OR14C36: variants seen among roughly 807,000 people sequenced by gnomAD.
The protein encoded by OR14C36 is olfactory receptor 14C36.
For synonymous variants in OR14C36, 142 were observed against 146.8 expected, an observed-to-expected ratio of 0.97 and a Z score of 0.24; for missense variants, 404 against 384.8, an observed-to-expected ratio of 1.05 and a Z score of -0.42.
In OR14C36 at chr1:248,349,447, G is replaced by A. The variant is rs28377739; in HGVS notation, c.673G>A (p.Gly225Arg). The stretch of plus-strand genomic sequence containing the variant: ...CATTCACATCTTTTCGACCGTGCTC[G>A]GGTTTCCAAGAGGAGCAGACAGAAC... ...SYIHIFSTVL[G>R]FPRGADRTKA... The change falls in exon 1 of 1, where the codon GGG (glycine) becomes AGG (arginine). Residue 225 changes from glycine (G) to arginine (R), a missense_variant. By Grantham distance (125) the Gly-to-Arg change is moderately radical (BLOSUM62 -2). Coordinates refer to ENST00000317861, the MANE Select transcript of OR14C36 (RefSeq NM_001001918.1). 880,350 of 1,613,302 alleles carry A rather than the reference G, an allele frequency of 0.55. 242,229 individuals carry two copies. Among genetic ancestry groups the A allele is most frequent in the Non-Finnish European group, 0.56 (664,105 of 1,179,648 alleles).
At position 248,349,430 on chromosome 1, in the gene OR14C36, T is replaced by G; in HGVS notation, c.656T>G (p.Ile219Ser). The G allele has an allele frequency of 6.2e-7, 1 of 1,614,048 alleles. No individual in the cohort carries two copies. The highest frequency in any genetic ancestry group is 8.5e-7 in the Non-Finnish European group (1 of 1,179,990). ...FIFIIRSYIHIFSTVLGFPRG... is the reference protein window; with the variant it reads ...FIFIIRSYIHSFSTVLGFPRG... The stretch of plus-strand genomic sequence containing the variant: ...TTTATCATCAGGTCTTACATTCACA[T>G]CTTTTCGACCGTGCTCGGGTTTCCA... The change falls in exon 1 of 1, where the codon ATC becomes AGC. Residue 219 changes from isoleucine (I) to serine (S), a missense_variant. By Grantham distance (142) the Ile-to-Ser change is moderately radical (BLOSUM62 -2). Transcript: ENST00000317861.
In OR14C36 at chr1:248,349,306, G is replaced by A; in HGVS notation, c.532G>A (p.Asp178Asn). 2 of 1,614,054 alleles carry A rather than the reference G, an allele frequency of 1.2e-6. No individual in the cohort carries two copies. Among genetic ancestry groups the A allele is most frequent in the Non-Finnish European group, 1.7e-6 (2 of 1,180,010 alleles). Residue 178 changes from aspartate to asparagine, a missense_variant, in exon 1 of 1, where the codon GAC becomes AAC. Coordinates refer to ENST00000317861, the MANE Select transcript of OR14C36 (RefSeq NM_001001918.1). ...RSNVIHQFFC[D>N]IPSLLKLSCS... ...CAACGTTATTCATCAATTCTTCTGT[G>A]ACATCCCCTCTCTGCTGAAGCTCTC...
At position 248,349,134 on chromosome 1, in the gene OR14C36, C is replaced by T. The variant is rs774074900; in HGVS notation, c.360C>T (p.Arg120=). 1 of 1,613,876 alleles carries T rather than the reference C, an allele frequency of 6.2e-7. No individual in the cohort carries two copies. The stretch of plus-strand genomic sequence containing the variant: ...TTCTCACCATTATGGCTCATGACCG[C>T]TATGTGGCTGTCTGCCAGCCACTTC... ...LLFLTIMAHD[R]YVAVCQPLHY... Residue 120 remains arginine (R), a synonymous_variant, in exon 1 of 1, where the codon CGC becomes CGT. Coordinates refer to ENST00000317861, the MANE Select transcript of OR14C36 (RefSeq NM_001001918.1).
At position 248,349,657 on chromosome 1, in the gene OR14C36, A is replaced by T; in HGVS notation, c.883A>T (p.Ile295Leu). ...TATTTACAGTCTTAGAAATAAGCAA[A>T]TAAAGGTGGCCATCAAGAAAATCAT... ...PIIYSLRNKQ[I>L]KVAIKKIMKR... The change falls in exon 1 of 1, where the codon ATA becomes TTA. Residue 295 changes from isoleucine (I) to leucine (L), a missense_variant. By Grantham distance (5) the Ile-to-Leu change is conservative (BLOSUM62 2). Coordinates refer to ENST00000317861, the MANE Select transcript of OR14C36 (RefSeq NM_001001918.1). 6.2e-7 allele frequency: 1 copy of T among 1,605,376 alleles called. No individual in the cohort carries two copies. The highest frequency in any genetic ancestry group is 1.1e-5 in the South Asian group (1 of 88,754).
At position 248,349,666 on chromosome 1, in the gene OR14C36, G is replaced by A. The variant is rs372325110; in HGVS notation, c.892G>A (p.Ala298Thr). ...TCTTAGAAATAAGCAAATAAAGGTG[G>A]CCATCAAGAAAATCATGAAGAGAAT... is the stretch of plus-strand genomic sequence containing the variant. ...YSLRNKQIKV[A>T]IKKIMKRIFY... Residue 298 changes from alanine to threonine, a missense_variant, in exon 1 of 1, where the codon GCC (alanine) becomes ACC (threonine). Coordinates refer to ENST00000317861, the MANE Select transcript of OR14C36 (RefSeq NM_001001918.1). The A allele has an allele frequency of 5.0e-6, 8 of 1,608,088 alleles. No homozygotes were observed. Among genetic ancestry groups the A allele is most frequent in the Middle Eastern group, 1.7e-4 (1 of 6,010 alleles).
chr1:248,349,665 G>T lies in OR14C36; in HGVS notation c.891G>T (p.Val297=). 6.2e-7 allele frequency: 1 copy of T among 1,607,982 alleles called. No individual in the cohort carries two copies. Among genetic ancestry groups the T allele is most frequent in the Non-Finnish European group, 8.5e-7 (1 of 1,178,454 alleles). ...GTCTTAGAAATAAGCAAATAAAGGT[G>T]GCCATCAAGAAAATCATGAAGAGAA... The part of the protein sequence containing the change: ...IYSLRNKQIK[V]AIKKIMKRIF... Residue 297 remains valine, a synonymous_variant, in exon 1 of 1, where the codon GTG becomes GTT. Coordinates refer to ENST00000317861, the MANE Select transcript of OR14C36 (RefSeq NM_001001918.1).
chr1:248,349,418 C>A lies in OR14C36; in HGVS notation c.644C>A (p.Ser215Tyr), dbSNP rs199719798. ...GGCTGTTTCATCTTTATCATCAGGTCTTACATTCACATCTTTTCGACCGTG... is the reference window on the plus strand; with the variant it reads ...GGCTGTTTCATCTTTATCATCAGGTATTACATTCACATCTTTTCGACCGTG... ...GGGCFIFIIR[S>Y]YIHIFSTVLG... Residue 215 changes from serine to tyrosine, a missense_variant, in exon 1 of 1, where the codon TCT becomes TAT. By Grantham distance (144) the Ser-to-Tyr change is moderately radical. Transcript: ENST00000317861. 3.1e-6 allele frequency: 5 copies of A among 1,614,094 alleles called. No individual in the cohort carries two copies. The Admixed American group carries it at 8.3e-5, about 27-fold the overall frequency.
In OR14C36 at chr1:248,349,203, A is replaced by G; in HGVS notation, c.429A>G (p.Thr143=). ...ACTCTCGAATCTGCATCCAGATGAC[A>G]CTGGCCTCCCTACTCAGTGGTCTTG... The part of the protein sequence containing the change: ...IVNSRICIQM[T]LASLLSGLVY... The change falls in exon 1 of 1, where the codon ACA becomes ACG. Residue 143 remains threonine (T), a synonymous_variant. Transcript: ENST00000317861. 1 of 1,613,852 alleles carries G rather than the reference A, an allele frequency of 6.2e-7. No individual in the cohort carries two copies. Among genetic ancestry groups the G allele is most frequent in the Non-Finnish European group, 8.5e-7 (1 of 1,179,972 alleles).
chr1:248,348,870 G>A lies in OR14C36; in HGVS notation c.96G>A (p.Leu32=), dbSNP rs1398530873. ...QILHSASFFM[L]YLVTLMGNIL... ...TACATTCTGCATCCTTCTTTATGTT[G>A]TATTTGGTAACTCTAATGGGAAACA... is the stretch of plus-strand genomic sequence containing the variant. Residue 32 remains leucine, a synonymous_variant, in exon 1 of 1, where the codon TTG becomes TTA. Transcript: ENST00000317861. 1.2e-6 allele frequency: 2 copies of A among 1,613,608 alleles called. No individual in the cohort carries two copies. Among genetic ancestry groups the A allele is most frequent in the Non-Finnish European group, 1.7e-6 (2 of 1,179,820 alleles).
chr1:248,348,837 A>G lies in OR14C36; in HGVS notation c.63A>G (p.Leu21=). 2 of 1,613,328 alleles carry G rather than the reference A, an allele frequency of 1.2e-6. No individual in the cohort carries two copies. Among genetic ancestry groups the G allele is most frequent in the Non-Finnish European group, 1.7e-6 (2 of 1,179,542 alleles). The change falls in exon 1 of 1, where the codon CTA becomes CTG. Residue 21 remains leucine (L), a synonymous_variant. Coordinates refer to ENST00000317861, the MANE Select transcript of OR14C36 (RefSeq NM_001001918.1). ...LLMRFSDVWT[L]QILHSASFFM... is the part of the protein sequence containing the mutation. The stretch of plus-strand genomic sequence containing the variant: ...TGAGGTTTTCTGATGTGTGGACACT[A>G]CAGATTTTACATTCTGCATCCTTCT...
chr1:248,348,950 T>A lies in OR14C36; in HGVS notation c.176T>A (p.Phe59Tyr), dbSNP rs755519352. ...AGCAGCCTTCACATGCCCATGTACT[T>A]CTTCCTCAGGAATCTGTCTATCTTG... ...CDSSLHMPMY[F>Y]FLRNLSILDA... is the part of the protein sequence containing the mutation. The change falls in exon 1 of 1, where the codon TTC becomes TAC. Residue 59 changes from phenylalanine (F) to tyrosine (Y), a missense_variant. Coordinates refer to ENST00000317861, the MANE Select transcript of OR14C36 (RefSeq NM_001001918.1). 1 of 1,613,824 alleles carries A rather than the reference T, an allele frequency of 6.2e-7. No homozygotes were observed. The highest frequency in any genetic ancestry group is 8.5e-7 in the Non-Finnish European group (1 of 1,179,958).
Position 248,349,129 on chromosome 1 carries a change from G to T in OR14C36, c.355G>T (p.Asp119Tyr), listed in dbSNP as rs781231465. 1.9e-6 allele frequency: 3 copies of T among 1,613,724 alleles called. No individual in the cohort carries two copies. In the South Asian group the frequency reaches 3.3e-5, roughly 18 times the overall value. ...TCTGTTTCTCACCATTATGGCTCATGACCGCTATGTGGCTGTCTGCCAGCC... is the reference window on the plus strand; with the variant it reads ...TCTGTTTCTCACCATTATGGCTCATTACCGCTATGTGGCTGTCTGCCAGCC... ...ELLFLTIMAHDRYVAVCQPLH... is the reference protein window; with the variant it reads ...ELLFLTIMAHYRYVAVCQPLH... The change falls in exon 1 of 1, where the codon GAC becomes TAC. Residue 119 changes from aspartate to tyrosine, a missense_variant. Transcript: ENST00000317861.
rs1191352460 is a variant in OR14C36, at chr1:248,349,212, C to G, written c.438C>G (p.Ser146=). Residue 146 remains serine (S), a synonymous_variant, in exon 1 of 1, where the codon TCC becomes TCG. Transcript: ENST00000317861. The part of the protein sequence containing the change: ...SRICIQMTLA[S]LLSGLVYAGM... ...TCTGCATCCAGATGACACTGGCCTCCCTACTCAGTGGTCTTGTCTATGCAG... is the reference window on the plus strand; with the variant it reads ...TCTGCATCCAGATGACACTGGCCTCGCTACTCAGTGGTCTTGTCTATGCAG... 2 of 1,613,954 alleles carry G rather than the reference C, an allele frequency of 1.2e-6. No homozygotes were observed. Among genetic ancestry groups the G allele is most frequent in the Middle Eastern group, 1.7e-4 (1 of 6,058 alleles).
chr1:248,349,607 T>A lies in OR14C36; in HGVS notation c.833T>A (p.Ile278Lys). ...QDLILSGFYS[I>K]MPPLFNPIIY... ...CTGATCCTTTCTGGTTTTTATTCCA[T>A]AATGCCTCCCCTCTTTAACCCTATT... Residue 278 changes from isoleucine (I) to lysine (K), a missense_variant, in exon 1 of 1, where the codon ATA becomes AAA. Coordinates refer to ENST00000317861, the MANE Select transcript of OR14C36 (RefSeq NM_001001918.1). 1 of 1,613,988 alleles carries A rather than the reference T, an allele frequency of 6.2e-7. No individual in the cohort carries two copies. Among genetic ancestry groups the A allele is most frequent in the Non-Finnish European group, 8.5e-7 (1 of 1,179,912 alleles).
In OR14C36 at chr1:248,349,640, G is replaced by A; in HGVS notation, c.866G>A (p.Ser289Asn). Residue 289 changes from serine (S) to asparagine (N), a missense_variant, in exon 1 of 1, where the codon AGT becomes AAT. Physicochemically the swap from Ser to Asn is conservative, Grantham distance 46. Transcript: ENST00000317861. The stretch of plus-strand genomic sequence containing the variant: ...CCCCTCTTTAACCCTATTATTTACA[G>A]TCTTAGAAATAAGCAAATAAAGGTG... The part of the protein sequence containing the change: ...MPPLFNPIIY[S>N]LRNKQIKVAI... The A allele has an allele frequency of 1.2e-6, 2 of 1,610,972 alleles. No homozygotes were observed. The highest frequency in any genetic ancestry group is 1.7e-6 in the Non-Finnish European group (2 of 1,179,174).
chr1:248,348,850 T>G lies in OR14C36; in HGVS notation c.76T>G (p.Ser26Ala). 6.2e-7 allele frequency: 1 copy of G among 1,613,780 alleles called. No homozygotes were observed. The highest frequency in any genetic ancestry group is 1.3e-5 in the African/African-American group (1 of 75,016). The change falls in exon 1 of 1, where the codon TCT becomes GCT. Residue 26 changes from serine (S) to alanine (A), a missense_variant. By Grantham distance (99) the Ser-to-Ala change is moderately conservative. Transcript: ENST00000317861. The stretch of plus-strand genomic sequence containing the variant: ...TGTGTGGACACTACAGATTTTACAT[T>G]CTGCATCCTTCTTTATGTTGTATTT... ...SDVWTLQILH[S>A]ASFFMLYLVT...
Position 248,348,954 on chromosome 1 carries a change from C to G in OR14C36, c.180C>G (p.Phe60Leu). 1 of 1,613,680 alleles carries G rather than the reference C, an allele frequency of 6.2e-7. No homozygotes were observed. The highest frequency in any genetic ancestry group is 8.5e-7 in the Non-Finnish European group (1 of 1,179,910). ...GCCTTCACATGCCCATGTACTTCTT[C>G]CTCAGGAATCTGTCTATCTTGGATG... ...DSSLHMPMYF[F>L]LRNLSILDAC... Residue 60 changes from phenylalanine to leucine, a missense_variant, in exon 1 of 1, where the codon TTC becomes TTG. By Grantham distance (22) the Phe-to-Leu change is conservative (BLOSUM62 0). Transcript: ENST00000317861.
In OR14C36 at chr1:248,349,515, A is replaced by G. The variant is rs534338585; in HGVS notation, c.741A>G (p.Ser247=). Residue 247 remains serine, a synonymous_variant, in exon 1 of 1, where the codon TCA becomes TCG. Coordinates refer to ENST00000317861, the MANE Select transcript of OR14C36 (RefSeq NM_001001918.1). The part of the protein sequence containing the change: ...STCIPHILVV[S]VFLSSCSSVY... ...GCATCCCTCACATCCTGGTGGTGTCAGTCTTCCTCAGTTCATGCTCTTCTG... is the reference window on the plus strand; with the variant it reads ...GCATCCCTCACATCCTGGTGGTGTCGGTCTTCCTCAGTTCATGCTCTTCTG... 2 of 1,614,064 alleles carry G rather than the reference A, an allele frequency of 1.2e-6. No individual in the cohort carries two copies. Among genetic ancestry groups the G allele is most frequent in the Middle Eastern group, 1.7e-4 (1 of 6,058 alleles).
chr1:248,349,311 C>T lies in OR14C36; in HGVS notation c.537C>T (p.Ile179=), dbSNP rs372326031. 21 of 1,613,964 alleles carry T rather than the reference C, an allele frequency of 1.3e-5. No individual in the cohort carries two copies. The African/African-American group carries it at 2.3e-4, about 17-fold the overall frequency. ...TTATTCATCAATTCTTCTGTGACAT[C>T]CCCTCTCTGCTGAAGCTCTCTTGCT... The part of the protein sequence containing the change: ...SNVIHQFFCD[I]PSLLKLSCSD... The change falls in exon 1 of 1, where the codon ATC becomes ATT. Residue 179 remains isoleucine (I), a synonymous_variant. Coordinates refer to ENST00000317861, the MANE Select transcript of OR14C36 (RefSeq NM_001001918.1).
Sources: allele counts gnomAD v4.1 joint callset, GRCh38; gene constraint gnomAD v4.1.1; transcripts MANE v1.5; gene names NCBI Gene and HGNC (gene_info 2026-07-23, HGNC 2026-07-21).